The following FAM135B variants were observed in gnomAD, a reference collection of about 807,000 sequenced individuals.
FAM135B encodes family with sequence similarity 135 member B, also known as protein FAM135B.
FAM135B carries 43 observed loss-of-function variants against 127.7 expected under a neutral mutation model. That is an observed-to-expected ratio of 0.34 (90% CI 0.26 to 0.43). The LOEUF is 0.43. Among genes scored for constraint, FAM135B ranks in the 20% least tolerant of loss-of-function variants. The probability of loss-of-function intolerance (pLI) is 1.00; values close to 1 mark genes in which losing one functional copy is unlikely to be tolerated. For missense variants in FAM135B, 1,558 were observed against 1,725.6 expected, an observed-to-expected ratio of 0.90 and a Z score of 1.72; for synonymous variants, 670 against 665.1, an observed-to-expected ratio of 1.01 and a Z score of -0.11.
At chr8:138,224,566 AT>A (rs1819268099) in intron 7 of FAM135B, among the ~76,000 whole-genome samples, 1 of 152,172 alleles carries the variant, frequency 6.6e-6, no homozygotes, top group Non-Finnish European at 1.5e-5. Flanking sequence ...GTTCCACATC[AT>A]TGAGTAACAA....
chr8:138,174,967 A>C (rs112084831), intron 11 of FAM135B, among the ~76,000 whole-genome samples: 72 of 152,328 alleles, frequency 4.7e-4, no homozygotes, highest in African/African-American at 1.6e-3. Context: ...CAACATAGTG[A>C]AGACCTAACT....
chr8:138,411,228 C>G (rs4427179), intron 1 of FAM135B, among the ~76,000 whole-genome samples: 71,104 of 150,372 alleles, frequency 0.47, 17,765 homozygotes, highest in African/African-American at 0.62. Flanking sequence ...CACTCTACCT[C>G]ACTTCAAACT....
At chr8:138,298,184 C>A (rs2130827266) in intron 3 of FAM135B, among the ~76,000 whole-genome samples, 1 of 152,202 alleles carries the variant, frequency 6.6e-6, no homozygotes, top group African/African-American at 2.4e-5. Context: ...TAACTCCTGG[C>A]ATGTAAACAC....
intron 7 of FAM135B, among the ~76,000 whole-genome samples, chr8:138,215,468 CTA>C (rs1818472000): frequency 6.6e-6 from 1 of 152,170 alleles, no homozygotes; most frequent in South Asian, 2.1e-4. Flanking sequence ...CTGGAAATAA[CTA>C]TTACATAGCA....
At chr8:138,138,925 G>A (rs1228114401) in intron 18 of FAM135B, 61 bp downstream of exon 18, 1 of 1,012,044 alleles carries the variant, frequency 9.9e-7, no homozygotes, top group Non-Finnish European at 1.6e-6. Context: ...TCTCATTTGT[G>A]TCTCAGGAGT....
At chr8:138,307,437 C>G (rs1826347765) in intron 3 of FAM135B, among the ~76,000 whole-genome samples, 1 of 151,912 alleles carries the variant, frequency 6.6e-6, no homozygotes, top group African/African-American at 2.4e-5. Context: ...AATACAGCAC[C>G]CCTTCACCCA....
At chr8:138,414,163 C>G (rs949250339) in intron 1 of FAM135B, among the ~76,000 whole-genome samples, 1 of 130,732 alleles carries the variant, frequency 7.6e-6, no homozygotes, top group Admixed American at 7.6e-5. Context: ...ATAAGAAGCT[C>G]ATTAGCACTT....
intron 9 of FAM135B, among the ~76,000 whole-genome samples, chr8:138,190,154 A>G (rs1815977471): frequency 6.6e-6 from 1 of 152,086 alleles, no homozygotes; most frequent in African/African-American, 2.4e-5. Context: ...GTCTTGGTAA[A>G]TTCTCTTAGC....
intron 7 of FAM135B, among the ~76,000 whole-genome samples, chr8:138,236,799 A>T (rs1486519859): frequency 6.6e-6 from 1 of 152,236 alleles, no homozygotes; most frequent in African/African-American, 2.4e-5. Flanking sequence ...ATTTTTAATT[A>T]TTCCTTTGTT....
At chr8:138,206,358 C>T (rs1240851425) in intron 7 of FAM135B, among the ~76,000 whole-genome samples, 54 of 149,670 alleles carry the variant, frequency 3.6e-4, no homozygotes, top group East Asian at 2.2e-3. Context: ...TCCAGCATCC[C>T]CTCCACCTAC....
At chr8:138,271,203 A>C (rs1433613132) in intron 3 of FAM135B, among the ~76,000 whole-genome samples, 1 of 152,186 alleles carries the variant, frequency 6.6e-6, no homozygotes, top group East Asian at 1.9e-4. Flanking sequence ...TTCTGCTTGT[A>C]CCTTCAATTT....
chr8:138,197,688 A>G lies in FAM135B; in HGVS notation c.670-19T>C, dbSNP rs1816769112. 6.2e-7 allele frequency: 1 copy of G among 1,609,604 alleles called. No homozygotes were observed. Among genetic ancestry groups the G allele is most frequent in the Non-Finnish European group, 8.5e-7 (1 of 1,176,430 alleles). ...AGCTTCCCTAAGGGGTGAAACAGAAACAGAGGCTGAGGAATATTGCACCTG... is the reference window on the plus strand; with the variant it reads ...AGCTTCCCTAAGGGGTGAAACAGAAGCAGAGGCTGAGGAATATTGCACCTG... On this transcript the variant is annotated intron_variant, in intron 7 of 19. Transcript: ENST00000395297.
At chr8:138,223,809 G>C (rs13251932) in intron 7 of FAM135B, among the ~76,000 whole-genome samples, 27,586 of 152,118 alleles carry the variant, frequency 0.18, 2,815 homozygotes, top group Non-Finnish European at 0.23. Context: ...TGATGGATTA[G>C]ATAAACAACA....
chr8:138,286,242 C>T (rs1824677170), intron 3 of FAM135B, among the ~76,000 whole-genome samples: 3 of 152,134 alleles, frequency 2.0e-5, no homozygotes, highest in Admixed American at 1.3e-4. Context: ...ACTCTGCAAA[C>T]CAATGTGAGG....
At chr8:138,199,187 AG>A in intron 7 of FAM135B, among the ~76,000 whole-genome samples, 2 of 152,268 alleles carry the variant, frequency 1.3e-5, no homozygotes, top group Middle Eastern at 3.4e-3. Flanking sequence ...TGCACTCCCA[AG>A]GGTGTTGTAT....
At chr8:138,305,154 A>C (rs983200772) in intron 3 of FAM135B, among the ~76,000 whole-genome samples, 2 of 152,250 alleles carry the variant, frequency 1.3e-5, no homozygotes, top group Non-Finnish European at 2.9e-5. Flanking sequence ...CTACATGGTA[A>C]AACTCTTAAA....
Position 138,202,161 on chromosome 8 carries a change from ACTG to A in FAM135B, c.670-4495_670-4493del, listed in dbSNP as rs1287256926. ...AAAAAGGCACCTCTCCCCTTCTGAG[ACTG>A]AAGTAAGTCCACTGCAAATGGGAAA... On this transcript the variant is annotated intron_variant, in intron 7 of 19. Transcript: ENST00000395297. Among the ~76,000 whole-genome samples the A allele has an allele frequency of 7.7e-3, 1,099 of 142,050 alleles. 7 individuals carry two copies. Among genetic ancestry groups the A allele is most frequent in the Non-Finnish European group, 0.013 (854 of 65,746 alleles). 93.2% of individuals were successfully genotyped at this position (142,050 alleles called of 152,430 possible).
chr8:138,373,523 G>C (rs1184015414), intron 1 of FAM135B, among the ~76,000 whole-genome samples: 1 of 151,452 alleles, frequency 6.6e-6, no homozygotes, highest in East Asian at 1.9e-4. Context: ...TGAACAATAT[G>C]AAATCTGGGC....
intron 1 of FAM135B, among the ~76,000 whole-genome samples, chr8:138,374,459 G>T (rs532222196): frequency 6.6e-6 from 1 of 152,324 alleles, no homozygotes; most frequent in African/African-American, 2.4e-5. Context: ...AGATGACTGG[G>T]CTATAAGCCC....
Sources: gnomAD v4.1 joint callset for allele counts (sites outside exome capture counted in the v4.1 genomes callset) on GRCh38, gnomAD v4.1.1 for gene constraint, MANE v1.5 for transcripts, NCBI Gene and HGNC (gene_info 2026-07-23, HGNC 2026-07-21) for gene names.